The following PLXNC1 variants were observed in gnomAD, a reference collection of about 807,000 sequenced individuals.
The protein encoded by PLXNC1 is plexin C1.
In PLXNC1, 75 loss-of-function variants were observed where a neutral mutation model predicts 178.2. The observed-to-expected ratio is 0.42, with a 90% CI of 0.35 to 0.51. The LOEUF is 0.51. Ranked by LOEUF, PLXNC1 falls within the 20% of genes least tolerant of loss-of-function variation. The probability of loss-of-function intolerance (pLI) is 0.02; values close to 1 mark genes in which losing one functional copy is unlikely to be tolerated. For missense variants in PLXNC1, 1,503 were observed against 1,984.4 expected, an observed-to-expected ratio of 0.76 and a Z score of 4.61; for synonymous variants, 790 against 779.9, an observed-to-expected ratio of 1.01 and a Z score of -0.22.
At chr12:94,172,104 G>C (rs1961867272) in intron 2 of PLXNC1, among the ~76,000 whole-genome samples, 1 of 152,204 alleles carries the variant, frequency 6.6e-6, no homozygotes, top group Non-Finnish European at 1.5e-5. Context: ...CTTGTCACCA[G>C]AACTGTTAGA....
intron 21 of PLXNC1, among the ~76,000 whole-genome samples, chr12:94,269,105 G>A (rs181208793): frequency 2.6e-5 from 4 of 152,244 alleles, no homozygotes; most frequent in East Asian, 3.9e-4. Context: ...CCAATAACTC[G>A]TAGCAAGCGT....
chr12:94,298,533 C>A, intron 26 of PLXNC1, 99 bp from the exon 27 acceptor site: 1 of 995,862 alleles, frequency 1.0e-6, no homozygotes, highest in Non-Finnish European at 1.5e-6. Context: ...CTGTTTTGAA[C>A]ATTATTTTCT....
chr12:94,191,282 A>G (rs1164396113), intron 4 of PLXNC1, among the ~76,000 whole-genome samples: 3 of 152,242 alleles, frequency 2.0e-5, no homozygotes, highest in Non-Finnish European at 2.9e-5. Flanking sequence ...TCCCAGTACC[A>G]TTCAAAATTA....
intron 1 of PLXNC1, among the ~76,000 whole-genome samples, chr12:94,158,832 T>C (rs1347461671): frequency 6.6e-6 from 1 of 152,072 alleles, no homozygotes; most frequent in East Asian, 1.9e-4. Flanking sequence ...GCTGGGAACA[T>C]GGGAGGAAGC....
At chr12:94,248,441 T>C in intron 14 of PLXNC1, 29 bp downstream of exon 14, 1 of 1,527,808 alleles carries the variant, frequency 6.5e-7, no homozygotes, top group Non-Finnish European at 8.9e-7. Flanking sequence ...CCACCTGCTG[T>C]CTTTACCTGA....
chr12:94,179,469 G>A (rs547161972), intron 2 of PLXNC1, among the ~76,000 whole-genome samples: 26 of 152,262 alleles, frequency 1.7e-4, no homozygotes, highest in African/African-American at 5.3e-4. Context: ...GGCCAGGCAC[G>A]GTGGCTCACG....
intron 9 of PLXNC1, among the ~76,000 whole-genome samples, chr12:94,228,534 T>A (rs1009994558): frequency 6.6e-6 from 1 of 152,216 alleles, no homozygotes; most frequent in African/African-American, 2.4e-5. Flanking sequence ...CTTGCAAAAC[T>A]GAAACTCTAT....
Position 94,260,067 on chromosome 12 carries a change from T to TG in PLXNC1, c.3251+333_3251+334insG, listed in dbSNP as rs1964952629. 6.6e-6 allele frequency among the ~76,000 whole-genome samples: 1 copy of TG among 152,134 alleles called. No individual in the cohort carries two copies. Among genetic ancestry groups the TG allele is most frequent in the African/African-American group, 2.4e-5 (1 of 41,424 alleles). On this transcript the variant is annotated intron_variant, in intron 19 of 30. Transcript: ENST00000258526. This position sits in a 1 kb window ranked among gnomAD's most constrained non-coding sequence, Gnocchi z 4.4. ...GATCATACCACCCCAACACAATTTT[T>TG]TTGTTGTTGTTGTTGGAGTCTCACT...
At chr12:94,225,996 C>T (rs529487203) in intron 7 of PLXNC1, among the ~76,000 whole-genome samples, 129 of 152,358 alleles carry the variant, frequency 8.5e-4, no homozygotes, top group Non-Finnish European at 9.4e-4. Flanking sequence ...CCTCCCTTGG[C>T]CCTGTTTCCA....
At chr12:94,294,017 A>C (rs556205617) in intron 23 of PLXNC1, among the ~76,000 whole-genome samples, 11 of 152,252 alleles carry the variant, frequency 7.2e-5, no homozygotes, top group Admixed American at 5.9e-4. Context: ...ATACCATCAC[A>C]CTGGGATTAG....
chr12:94,197,449 C>CTCTCTG (rs1235817244), intron 4 of PLXNC1, among the ~76,000 whole-genome samples: 21 of 151,786 alleles, frequency 1.4e-4, no homozygotes, highest in African/African-American at 5.1e-4. Context: ...CTCTCTCTCT[C>CTCTCTG]TCTCTCTCTC....
chr12:94,208,129 T>G (rs7298875), intron 4 of PLXNC1, among the ~76,000 whole-genome samples: 14 of 152,208 alleles, frequency 9.2e-5, no homozygotes, highest in Admixed American at 3.3e-4. Context: ...ACTTAATGTC[T>G]TTGACGGATG....
intron 5 of PLXNC1, among the ~76,000 whole-genome samples, chr12:94,214,104 T>G (rs1385974794): frequency 7.4e-6 from 1 of 135,462 alleles, no homozygotes; most frequent in East Asian, 2.2e-4. Context: ...TTTTTTTTTT[T>G]GACAGGGTCT....
chr12:94,191,808 A>T (rs17022152), intron 4 of PLXNC1, among the ~76,000 whole-genome samples: 1,866 of 152,056 alleles, frequency 0.012, 33 homozygotes, highest in African/African-American at 0.043. Context: ...ATAAGTAGAT[A>T]AAAAGCAATT....
intron 17 of PLXNC1, 76 bp from the exon 18 acceptor site, chr12:94,259,261 T>A: frequency 2.8e-6 from 3 of 1,090,124 alleles, no homozygotes; most frequent in Non-Finnish European, 4.1e-6. Context: ...TAAAACGGAC[T>A]TGGGTATTAT....
At chr12:94,171,631 G>A (rs1011549166) in intron 2 of PLXNC1, among the ~76,000 whole-genome samples, 7 of 152,172 alleles carry the variant, frequency 4.6e-5, no homozygotes, top group African/African-American at 1.7e-4. Context: ...GCACACATTG[G>A]TACTACTCTC....
At chr12:94,296,167 T>C (rs1427385767) in intron 24 of PLXNC1, among the ~76,000 whole-genome samples, 2 of 152,144 alleles carry the variant, frequency 1.3e-5, no homozygotes, top group Non-Finnish European at 2.9e-5. Flanking sequence ...CTCGTCTCTC[T>C]CATCTTTATT....
At chr12:94,274,341 GA>G (rs942702489) in intron 21 of PLXNC1, among the ~76,000 whole-genome samples, 3 of 151,904 alleles carry the variant, frequency 2.0e-5, no homozygotes, top group Non-Finnish European at 2.9e-5. Context: ...TATTAAAAAA[GA>G]AAGAAAGAAA....
chr12:94,166,965 A>G (rs553713211), intron 1 of PLXNC1, among the ~76,000 whole-genome samples: 21 of 152,018 alleles, frequency 1.4e-4, no homozygotes, highest in African/African-American at 4.6e-4. Flanking sequence ...GGGTCTTGCT[A>G]TGTTGCCCAG....
Sources: allele counts gnomAD v4.1 joint callset (sites outside exome capture counted in the v4.1 genomes callset), GRCh38; gene constraint gnomAD v4.1.1; non-coding constraint Gnocchi (gnomAD v3.1); transcripts MANE v1.5; gene names NCBI Gene and HGNC (gene_info 2026-07-23, HGNC 2026-07-21).